Variants in FANCD2 observed in about 807,000 individuals in gnomAD.
The protein encoded by FANCD2 is FA complementation group D2, also known as Fanconi anemia group D2 protein.
FANCD2 carries 131 observed loss-of-function variants against 192.3 expected under a neutral mutation model. The observed-to-expected ratio is 0.68, with a 90% CI of 0.59 to 0.79. The LOEUF is 0.79. Among genes scored for constraint, FANCD2 ranks in the 30% least tolerant of loss-of-function variants. The pLI, the probability that FANCD2 is intolerant of heterozygous loss-of-function variation, is 0.00. For missense variants in FANCD2, 1,508 were observed against 1,701.6 expected, an observed-to-expected ratio of 0.89 and a Z score of 2.00; for synonymous variants, 524 against 612.5, an observed-to-expected ratio of 0.86 and a Z score of 2.13.
intron 17 of FANCD2, 104 bp from the exon 18 acceptor site, chr3:10,052,283 C>T (rs2087240625): frequency 3.9e-6 from 3 of 767,490 alleles, no homozygotes; most frequent in East Asian, 2.6e-5. Context: ...GTTTTAGATA[C>T]CTGGCTATCT....
chr3:10,066,592 G>C (rs764559682), intron 25 of FANCD2, among the ~76,000 whole-genome samples: 1 of 152,186 alleles, frequency 6.6e-6, no homozygotes, highest in South Asian at 2.1e-4. Context: ...ACTTAGAAAG[G>C]TTAAAGACTC....
intron 30 of FANCD2, among the ~76,000 whole-genome samples, 189 bp downstream of exon 30, chr3:10,078,386 G>T (rs939138267): frequency 6.6e-6 from 1 of 152,050 alleles, no homozygotes; most frequent in Non-Finnish European, 1.5e-5. Flanking sequence ...ATGGAGTCTC[G>T]CTCTGTCGCC....
chr3:10,074,978 G>C (rs187668789), intron 29 of FANCD2, among the ~76,000 whole-genome samples: 14 of 152,044 alleles, frequency 9.2e-5, no homozygotes, highest in Non-Finnish European at 1.9e-4. Context: ...CACTCTTCTG[G>C]TTCTTAGAAG....
At chr3:10,098,651 A>T in intron 42 of FANCD2, 69 bp from the exon 43 acceptor site, 1 of 1,577,938 alleles carries the variant, frequency 6.3e-7, no homozygotes, top group Non-Finnish European at 8.6e-7. Context: ...CTGTAAACTC[A>T]ACCTTCTCCC....
rs765694013 is a variant in FANCD2, at chr3:10,072,864, G to A, written c.2495-7G>A. 2 of 1,512,846 alleles carry A rather than the reference G, an allele frequency of 1.3e-6. No homozygotes were observed. The highest frequency in any genetic ancestry group is 3.3e-5 in the Admixed American group (2 of 59,916). The allele number at this position is 1,512,846 out of a possible 1,614,324, so 93.7% of individuals were successfully genotyped here. ...CACATTGAGCTTCAGCCTGCTGTTT[G>A]TTTCAGTCACCCCAGACTATGTCCC... On this transcript the variant is annotated splice_region_variant and splice_polypyrimidine_tract_variant and intron_variant, in intron 26 of 43. Coordinates refer to ENST00000675286, the MANE Select transcript of FANCD2 (RefSeq NM_001018115.3).
chr3:10,068,036 C>A (rs1234558762), intron 26 of FANCD2, among the ~76,000 whole-genome samples: 1 of 151,970 alleles, frequency 6.6e-6, no homozygotes, highest in African/African-American at 2.4e-5. Flanking sequence ...TTAAACTGAA[C>A]AGAAAAAAAC....
intron 26 of FANCD2, among the ~76,000 whole-genome samples, chr3:10,067,775 G>A (rs536573929): frequency 6.6e-6 from 1 of 152,266 alleles, no homozygotes; most frequent in South Asian, 2.1e-4. Context: ...TCCAGCCTGG[G>A]TGACAGAGCG....
intron 18 of FANCD2, among the ~76,000 whole-genome samples, chr3:10,053,798 A>G (rs551268802): frequency 1.0e-3 from 157 of 152,160 alleles, no homozygotes; most frequent in African/African-American, 3.7e-3. Context: ...TAGGGTAGAG[A>G]TGGGTCTGTG....
At chr3:10,078,006 C>T in intron 29 of FANCD2, 75 bp from the exon 30 acceptor site, 1 of 1,113,556 alleles carries the variant, frequency 9.0e-7, no homozygotes. Context: ...GCACATTTAA[C>T]AAAAAAGAAA....
At chr3:10,071,607 G>T (rs1693249312) in intron 26 of FANCD2, among the ~76,000 whole-genome samples, 1 of 152,206 alleles carries the variant, frequency 6.6e-6, no homozygotes, top group Non-Finnish European at 1.5e-5. Context: ...TCACATATTT[G>T]TGGGAGCTGA....
rs369640359 is a variant in FANCD2 at position 10,060,363 on chromosome 3, A to G, written c.1726A>G (p.Ile576Val). Residue 576 changes from isoleucine to valine, a missense_variant, in exon 19 of 44, where the codon ATT (isoleucine) becomes GTT (valine). Around this residue, in one of 5 missense-constraint regions of FANCD2, gnomAD observed 110 missense variants for 114.4 expected, o/e 0.96. Transcript: ENST00000675286. ...ATTCAAGTACAAGCTCATTGGGATT[A>G]TTGGTGCTGTGACCATGGCTGGCAT... is the stretch of plus-strand genomic sequence containing the variant. ...TVFKYKLIGI[I>V]GAVTMAGIMA... is the part of the protein sequence containing the mutation. 3 of 1,613,748 alleles carry G rather than the reference A, an allele frequency of 1.9e-6. No individual in the cohort carries two copies. The African/African-American group carries it at 4.0e-5, about 22-fold the overall frequency.
At chr3:10,088,618 C>T in intron 35 of FANCD2, 76 bp downstream of exon 35, 2 of 1,177,798 alleles carry the variant, frequency 1.7e-6, no homozygotes, top group African/African-American at 1.5e-5. Flanking sequence ...AGAGACTGGA[C>T]AAATGACCTT....
chr3:10,086,732 C>G (rs1694229842), intron 33 of FANCD2, among the ~76,000 whole-genome samples: 1 of 152,192 alleles, frequency 6.6e-6, no homozygotes, highest in African/African-American at 2.4e-5. Context: ...CCTGTCTCAG[C>G]CTAGCAAAGT....
At chr3:10,069,081 G>C (rs988041364) in intron 26 of FANCD2, among the ~76,000 whole-genome samples, 2 of 152,154 alleles carry the variant, frequency 1.3e-5, no homozygotes, top group African/African-American at 4.8e-5. Flanking sequence ...CAGGACATTA[G>C]AGTGGGCAAA....
Position 10,090,499 on chromosome 3 carries a change from GC to G in FANCD2, c.3777+117del, listed in dbSNP as rs1227257304. ...GAGACAGAGTCTTGCTTGTTCTGTT[GC>G]CCAGACTGGAGTGCAGTGGCATGAT... is the stretch of plus-strand genomic sequence containing the variant. On this transcript the variant is annotated intron_variant, in intron 37 of 43. Transcript: ENST00000675286. 3 of 653,890 alleles carry G rather than the reference GC, an allele frequency of 4.6e-6. No individual in the cohort carries two copies. In the East Asian group the frequency reaches 9.8e-5, roughly 21 times the overall value. 40.5% of individuals were successfully genotyped at this position (653,890 alleles called of 1,614,324 possible). A position where few individuals can be genotyped will look rare whatever the true frequency, so the allele number is the denominator to read the frequency against.
chr3:10,047,584 T>TC (rs1553609011), intron 15 of FANCD2, among the ~76,000 whole-genome samples: 6 of 151,078 alleles, frequency 4.0e-5, no homozygotes, highest in African/African-American at 1.5e-4. Flanking sequence ...GGAACATCCC[T>TC]GGGGGTAGTA....
chr3:10,091,797 A>C (rs551711253), intron 37 of FANCD2, among the ~76,000 whole-genome samples: 8 of 152,320 alleles, frequency 5.3e-5, no homozygotes, highest in Admixed American at 4.6e-4. Context: ...CAAGACATAG[A>C]AGAATCAGCA....
At chr3:10,093,386 C>T (rs1559407819) in intron 39 of FANCD2, 63 bp downstream of exon 39, 9 of 1,346,942 alleles carry the variant, frequency 6.7e-6, no homozygotes, top group Middle Eastern at 1.8e-4. Context: ...TAGAGAGGAC[C>T]TCAGCTGAGA....
Position 10,063,817 on chromosome 3 carries a change from A to G in FANCD2, c.1853A>G (p.His618Arg), listed in dbSNP as rs1313606198. The G allele has an allele frequency of 1.2e-6, 2 of 1,614,222 alleles. No homozygotes were observed. Among genetic ancestry groups the G allele is most frequent in the Admixed American group, 1.7e-5 (1 of 60,022 alleles). Residue 618 changes from histidine (H) to arginine (R), a missense_variant, in exon 21 of 44, where the codon CAT (histidine) becomes CGT (arginine). His to Arg is a conservative substitution (Grantham distance 29). Around this residue, in one of 5 missense-constraint regions of FANCD2, gnomAD observed 59 missense variants for 111.9 expected, o/e 0.53. Transcript: ENST00000675286. ...TQVTSLLQLV[H>R]SCSEQSPQAS... is the part of the protein sequence containing the mutation. Reference sequence around the variant, plus strand: ...GTGACCTCCTTGTTGCAGTTGGTTCATTCCTGCAGTGAGCAGTCTCCTCAG... The same window carrying G: ...GTGACCTCCTTGTTGCAGTTGGTTCGTTCCTGCAGTGAGCAGTCTCCTCAG...
Sources: gnomAD v4.1 joint callset for allele counts (sites outside exome capture counted in the v4.1 genomes callset) on GRCh38, gnomAD v4.1.1 for gene constraint, gnomAD v4.1.1 regional missense constraint, MANE v1.5 for transcripts, NCBI Gene and HGNC (gene_info 2026-07-23, HGNC 2026-07-21) for gene names.